The following FYN variants were observed in gnomAD, a reference collection of about 807,000 sequenced individuals.
The protein encoded by FYN is tyrosine-protein kinase Fyn.
Under a neutral mutation model 70.2 loss-of-function variants are expected in FYN, and 10 were observed. The observed-to-expected ratio is 0.14, with a 90% confidence interval of 0.09 to 0.24. The LOEUF (loss-of-function observed/expected upper bound fraction) is 0.24. FYN is among the 10% of genes least tolerant of loss of function. The pLI is 1.00. For missense variants in FYN, 319 were observed against 673.1 expected (o/e 0.47, Z 5.82); for synonymous variants, 236 against 248.6 (o/e 0.95, Z 0.48).
rs911053780 is a variant in FYN at position 111,684,373 on chromosome 6, A to G, written c.1274-9743T>C. Among the ~76,000 whole-genome samples the G allele has an allele frequency of 1.1e-4, 16 of 152,328 alleles. No individual in the cohort carries two copies. The South Asian group carries it at 1.9e-3, about 18-fold the overall frequency. On this transcript the variant is annotated intron_variant, in intron 12 of 13. Transcript: ENST00000354650. Reference sequence around the variant, plus strand: ...AAGTTCCAAGAGAGCCCAGAGTTCAAGACTGGACAGAGAAGAGACAGAAGG... The same window carrying G: ...AAGTTCCAAGAGAGCCCAGAGTTCAGGACTGGACAGAGAAGAGACAGAAGG...
intron 12 of FYN, among the ~76,000 whole-genome samples, chr6:111,679,242 T>C (rs879493204): frequency 6.6e-6 from 1 of 152,220 alleles, no homozygotes; most frequent in Admixed American, 6.5e-5. Context: ...AAGTGTTACT[T>C]GCACAGGGAA....
intron 13 of FYN, among the ~76,000 whole-genome samples, chr6:111,665,707 C>T (rs1294466144): frequency 6.6e-6 from 1 of 151,522 alleles, no homozygotes; most frequent in Non-Finnish European, 1.5e-5. Context: ...CTGCAGCCTC[C>T]ACCTCCCAGG....
At chr6:111,838,439 G>A (rs950793968) in intron 2 of FYN, among the ~76,000 whole-genome samples, 3 of 152,142 alleles carry the variant, frequency 2.0e-5, no homozygotes, top group African/African-American at 7.2e-5. Flanking sequence ...AAGCAAGATG[G>A]GAAACCCTGG....
chr6:111,852,683 T>C (rs774144433), intron 1 of FYN, among the ~76,000 whole-genome samples: 1 of 151,482 alleles, frequency 6.6e-6, no homozygotes, highest in Non-Finnish European at 1.5e-5. Flanking sequence ...TTAGTAAGAG[T>C]TAAAAAAAAA....
intron 3 of FYN, among the ~76,000 whole-genome samples, chr6:111,733,694 C>T (rs1801570605): frequency 6.6e-6 from 1 of 152,046 alleles, no homozygotes; most frequent in African/African-American, 2.4e-5. Flanking sequence ...CCAGTTTCCT[C>T]ATCAGTGCAT....
intron 2 of FYN, among the ~76,000 whole-genome samples, chr6:111,822,635 T>C (rs1286899830): frequency 1.3e-5 from 2 of 150,708 alleles, no homozygotes; most frequent in African/African-American, 2.4e-5. Flanking sequence ...ATTATATATA[T>C]ATATAAAATT....
At chr6:111,692,675 G>A (rs1338579300) in intron 12 of FYN, among the ~76,000 whole-genome samples, 3 of 152,058 alleles carry the variant, frequency 2.0e-5, no homozygotes, top group Non-Finnish European at 4.4e-5. Flanking sequence ...ACACAGAAGG[G>A]TGAGCACACG....
chr6:111,831,212 G>A (rs1327202), intron 2 of FYN, among the ~76,000 whole-genome samples: 28,027 of 151,940 alleles, frequency 0.18, 3,699 homozygotes, highest in African/African-American at 0.38. Flanking sequence ...CTGCTTGATA[G>A]ATGTGCCATG....
chr6:111,764,471 G>A (rs1042312682), intron 3 of FYN, among the ~76,000 whole-genome samples: 3 of 152,036 alleles, frequency 2.0e-5, no homozygotes, highest in South Asian at 2.1e-4. Context: ...CTCCTGTGCC[G>A]GCAGAAAAGT....
At chr6:111,693,673 A>G (rs985027354) in intron 12 of FYN, among the ~76,000 whole-genome samples, 6 of 152,108 alleles carry the variant, frequency 3.9e-5, no homozygotes, top group Non-Finnish European at 8.8e-5. Flanking sequence ...GAGATTTTCG[A>G]GTAACTATGC....
intron 3 of FYN, among the ~76,000 whole-genome samples, chr6:111,761,847 A>G (rs1339692647): frequency 1.3e-5 from 2 of 152,170 alleles, no homozygotes; most frequent in Non-Finnish European, 2.9e-5. Context: ...CTTTTAGCAA[A>G]AAAAATGCTC....
intron 2 of FYN, chr6:111,820,200 T>C (rs1191192927): frequency 6.6e-6 from 1 of 152,224 alleles, no homozygotes; most frequent in Non-Finnish European, 1.5e-5. Flanking sequence ...ACCTCAACTA[T>C]TTTCCTAATG....
rs138026573 is a variant in FYN, at chr6:111,714,948, T to A, written c.248-505A>T. Among the ~76,000 whole-genome samples, 287 of 152,278 alleles carry A rather than the reference T, an allele frequency of 1.9e-3. 1 individual carries two copies. Among genetic ancestry groups the A allele is most frequent in the African/African-American group, 6.5e-3 (270 of 41,556 alleles). ...GGGGAAATTTAGAGAAGACCGTTTC[T>A]GTAATATTCACCCCAATTAGAGGAT... On this transcript the variant is annotated intron_variant, in intron 4 of 13. Coordinates refer to ENST00000354650, the MANE Select transcript of FYN (RefSeq NM_002037.5).
chr6:111,821,701 T>C (rs1443382932), intron 2 of FYN, among the ~76,000 whole-genome samples: 2 of 152,002 alleles, frequency 1.3e-5, no homozygotes, highest in African/African-American at 4.8e-5. Flanking sequence ...ACGGGCAACC[T>C]ACAGAATGGG....
chr6:111,747,371 A>G (rs1043706549), intron 3 of FYN, among the ~76,000 whole-genome samples: 5 of 152,226 alleles, frequency 3.3e-5, no homozygotes, highest in African/African-American at 9.7e-5. Context: ...GAAAGAAGGG[A>G]GTTAAAGTCT....
intron 2 of FYN, among the ~76,000 whole-genome samples, chr6:111,806,067 T>C (rs1012037621): frequency 1.3e-5 from 2 of 152,180 alleles, no homozygotes; most frequent in South Asian, 4.1e-4. Flanking sequence ...GGGGTTTACG[T>C]GTAGACTGGT....
At position 111,750,372 on chromosome 6, in the gene FYN, G is replaced by GCGGA. The variant is rs1344498354; in HGVS notation, c.-12+30193_-12+30194insTCCG. Among the ~76,000 whole-genome samples, 7 of 152,208 alleles carry GCGGA rather than the reference G, an allele frequency of 4.6e-5. No individual in the cohort carries two copies. In the East Asian group the frequency reaches 1.4e-3, roughly 29 times the overall value. On this transcript the variant is annotated intron_variant, in intron 3 of 13. Coordinates refer to ENST00000354650, the MANE Select transcript of FYN (RefSeq NM_002037.5). The stretch of plus-strand genomic sequence containing the variant: ...CCTCTCTCCTGCTCCCACCATGTGA[G>GCGGA]ATGCCTCGCTTCCCCTTTGCCTTCC...
At chr6:111,836,138 G>T (rs1344173396) in intron 2 of FYN, among the ~76,000 whole-genome samples, 1 of 152,184 alleles carries the variant, frequency 6.6e-6, no homozygotes, top group Admixed American at 6.5e-5. Context: ...AAGGTGACAA[G>T]AACTGGTCTC....
chr6:111,853,307 T>TA (rs1412944200), intron 1 of FYN, among the ~76,000 whole-genome samples: 1 of 151,940 alleles, frequency 6.6e-6, no homozygotes. Context: ...ATTTGGAACA[T>TA]AGAGATTTGG....
Sources: gnomAD v4.1 joint callset for allele counts (sites outside exome capture counted in the v4.1 genomes callset) on GRCh38, gnomAD v4.1.1 for gene constraint, MANE v1.5 for transcripts, NCBI Gene and HGNC (gene_info 2026-07-23, HGNC 2026-07-21) for gene names.